CHL1: variants seen among roughly 807,000 people sequenced by gnomAD.
CHL1 encodes cell adhesion molecule L1 like.
A neutral mutation model predicts 141.9 loss-of-function variants in CHL1; 96 were observed. The observed-to-expected ratio is 0.68, with a 90% CI of 0.57 to 0.80. The LOEUF (loss-of-function observed/expected upper bound fraction) is 0.80, where lower values mean the gene tolerates loss of function less well. Ranked by LOEUF, CHL1 falls within the 30% of genes least tolerant of loss-of-function variation. The probability of loss-of-function intolerance (pLI) is 0.00; values close to 1 mark genes in which losing one functional copy is unlikely to be tolerated. For missense variants in CHL1, 1,820 were observed against 1,457.2 expected (o/e 1.25, Z -4.05); for synonymous variants, 613 against 502.2 (o/e 1.22, Z -2.95).
intron 2 of CHL1, among the ~76,000 whole-genome samples, chr3:276,684 T>C (rs1250803158): frequency 6.6e-6 from 1 of 151,674 alleles, no homozygotes; most frequent in Non-Finnish European, 1.5e-5. Flanking sequence ...GGTCAGGAGA[T>C]TGAGACCGTC....
intron 9 of CHL1, among the ~76,000 whole-genome samples, chr3:345,368 G>A (rs893000843): frequency 6.6e-6 from 1 of 152,140 alleles, no homozygotes; most frequent in Non-Finnish European, 1.5e-5. Context: ...TGGAGGTCCA[G>A]ACCATGTAAT....
chr3:251,315 G>A (rs966713272), intron 2 of CHL1, among the ~76,000 whole-genome samples: 13 of 152,140 alleles, frequency 8.5e-5, no homozygotes, highest in African/African-American at 3.1e-4. Flanking sequence ...AATGCACTGA[G>A]AATGGATTTT....
At chr3:197,938 G>C (rs1443299116) in intron 1 of CHL1, 1 of 391,568 alleles carries the variant, frequency 2.6e-6, no homozygotes, top group South Asian at 1.9e-5. Flanking sequence ...ATTAATTTGG[G>C]GAGCAGGGAT....
intron 2 of CHL1, among the ~76,000 whole-genome samples, chr3:272,482 T>G (rs1038141731): frequency 6.6e-6 from 1 of 152,248 alleles, no homozygotes; most frequent in Non-Finnish European, 1.5e-5. Flanking sequence ...TTTTCGTTCT[T>G]TGGAAATGGG....
At chr3:200,979 A>C (rs889113883) in intron 1 of CHL1, among the ~76,000 whole-genome samples, 29 of 152,354 alleles carry the variant, frequency 1.9e-4, no homozygotes, top group African/African-American at 6.7e-4. Context: ...CTTTCTCATT[A>C]GCACCACGTA....
At chr3:247,194 C>G (rs999234381) in intron 2 of CHL1, 3 of 151,946 alleles carry the variant, frequency 2.0e-5, no homozygotes, top group Non-Finnish European at 4.4e-5. Flanking sequence ...AAATCTACTG[C>G]TAGAGACCAT....
At chr3:386,074 C>A (rs987614392) in intron 19 of CHL1, among the ~76,000 whole-genome samples, 4 of 151,748 alleles carry the variant, frequency 2.6e-5, no homozygotes, top group Non-Finnish European at 5.9e-5. Flanking sequence ...GATCATCCTG[C>A]GGAAAGGAGT....
At chr3:253,988 T>A (rs904522349) in intron 2 of CHL1, among the ~76,000 whole-genome samples, 17 of 152,140 alleles carry the variant, frequency 1.1e-4, no homozygotes, top group African/African-American at 3.9e-4. Context: ...ATCTCCATTT[T>A]ACGAATGCAC....
chr3:313,406 AT>A (rs1445909150), intron 2 of CHL1, among the ~76,000 whole-genome samples: 1 of 152,160 alleles, frequency 6.6e-6, no homozygotes, highest in Non-Finnish European at 1.5e-5. Flanking sequence ...TCCCTCTAGG[AT>A]AAAGTAGAAA....
At chr3:355,386 G>A (rs1489336614) in intron 11 of CHL1, among the ~76,000 whole-genome samples, 2 of 152,168 alleles carry the variant, frequency 1.3e-5, no homozygotes, top group African/African-American at 4.8e-5. Context: ...GGCTGGGCGG[G>A]GAAAGACAGG....
intron 2 of CHL1, among the ~76,000 whole-genome samples, chr3:256,299 A>T (rs949517496): frequency 1.3e-5 from 2 of 152,190 alleles, no homozygotes; most frequent in Non-Finnish European, 2.9e-5. Flanking sequence ...ATAGCATGCA[A>T]TTTTTACTTA....
Position 328,226 on chromosome 3 carries a change from C to T in CHL1, c.257C>T (p.Ser86Leu), listed in dbSNP as rs750674722. Residue 86 changes from serine (S) to leucine (L), a missense_variant, in exon 5 of 28, where the codon TCG becomes TTG. Transcript: ENST00000256509. ...FYFTDHRIIP[S>L]NNSGTFRIPN... ...TTCACTGACCATCGGATAATTCCAT[C>T]GAACAATTCAGGAACATTCAGGATC... 17 of 1,611,636 alleles carry T rather than the reference C, an allele frequency of 1.1e-5. No individual in the cohort carries two copies. The South Asian group carries it at 1.7e-4, about 16-fold the overall frequency.
chr3:244,034 G>A (rs1384608735), intron 1 of CHL1, among the ~76,000 whole-genome samples: 3 of 152,166 alleles, frequency 2.0e-5, no homozygotes, highest in African/African-American at 7.2e-5. Context: ...GGATATATTG[G>A]TTGAATCAGT....
rs146859813 is a variant in CHL1 at position 253,270 on chromosome 3, C to T, written c.-95+8578C>T. Among the ~76,000 whole-genome samples the T allele has an allele frequency of 2.3e-4, 35 of 152,166 alleles. 1 individual carries two copies. The East Asian group carries it at 5.0e-3, about 22-fold the overall frequency. On this transcript the variant is annotated intron_variant, in intron 2 of 27. Transcript: ENST00000256509. ...TGTATCTCGTTATGAACCAATTATGCTCCCTTAGCACCATAGTTATAGAGG... is the reference window on the plus strand; with the variant it reads ...TGTATCTCGTTATGAACCAATTATGTTCCCTTAGCACCATAGTTATAGAGG...
At chr3:372,124 C>G (rs1705716915) in intron 15 of CHL1, among the ~76,000 whole-genome samples, 1 of 152,032 alleles carries the variant, frequency 6.6e-6, no homozygotes, top group South Asian at 2.1e-4. Context: ...GTGGTGTACT[C>G]TGTATTTCCT....
chr3:295,007 G>A (rs1407234333), intron 2 of CHL1, among the ~76,000 whole-genome samples: 3 of 152,146 alleles, frequency 2.0e-5, no homozygotes, highest in African/African-American at 4.8e-5. Context: ...TTTGTAGAGA[G>A]ATTAAACTTT....
At chr3:390,553 C>T (rs1245318269) in intron 20 of CHL1, 148 bp from the exon 21 acceptor site, 3 of 593,038 alleles carry the variant, frequency 5.1e-6, no homozygotes, top group Non-Finnish European at 9.0e-6. Flanking sequence ...ATAAACTTAT[C>T]TATCATGAGA....
At chr3:259,423 T>A (rs574781002) in intron 2 of CHL1, among the ~76,000 whole-genome samples, 1 of 152,102 alleles carries the variant, frequency 6.6e-6, no homozygotes, top group Admixed American at 6.6e-5. Flanking sequence ...TTTGAAAATA[T>A]ATGAAGTGTC....
intron 10 of CHL1, among the ~76,000 whole-genome samples, chr3:350,959 G>A (rs1213348554): frequency 1.3e-5 from 2 of 151,924 alleles, no homozygotes; most frequent in Non-Finnish European, 2.9e-5. Flanking sequence ...TGGCTACATC[G>A]TGCAACAGGG....
Sources: allele counts gnomAD v4.1 joint callset (sites outside exome capture counted in the v4.1 genomes callset), GRCh38; gene constraint gnomAD v4.1.1; transcripts MANE v1.5; gene names NCBI Gene and HGNC (gene_info 2026-07-23, HGNC 2026-07-21).